Variants in PI4KA observed in about 807,000 individuals in gnomAD.
PI4KA encodes PI4-kinase alpha.
In PI4KA, 122 loss-of-function variants were observed where a neutral mutation model predicts 271.4. The observed-to-expected ratio is 0.45, with a 90% CI of 0.39 to 0.52. The LOEUF is 0.52. Ranked by LOEUF, PI4KA falls within the 20% of genes least tolerant of loss-of-function variation. The pLI is 0.00. For synonymous variants in PI4KA, 1,041 were observed against 1,078.8 expected (o/e 0.96, Z 0.69); for missense variants, 1,969 against 2,769.1 (o/e 0.71, Z 6.48).
At chr22:20,730,474 C>A (rs1927895475) in intron 36 of PI4KA, among the ~76,000 whole-genome samples, 2 of 151,986 alleles carry the variant, frequency 1.3e-5, no homozygotes, top group South Asian at 4.1e-4. Flanking sequence ...AAGGTTTCAC[C>A]ACGTTGGCCA....
Position 20,858,649 on chromosome 22 carries a change from G to A in PI4KA, c.77C>T (p.Ala26Val). 1 of 1,484,300 alleles carries A rather than the reference G, an allele frequency of 6.7e-7. No homozygotes were observed. Among genetic ancestry groups the A allele is most frequent in the Non-Finnish European group, 8.9e-7 (1 of 1,123,850 alleles). 91.9% of individuals were successfully genotyped at this position (1,484,300 alleles called of 1,614,324 possible). A position where few individuals can be genotyped will look rare whatever the true frequency, so the allele number is the denominator to read the frequency against. Reference sequence around the variant, plus strand: ...CGTGTTGAAATAGAAGCCCCGCGAGGCGCTGGAGCCGGAGCCGGAGCAGCC... The same window carrying A: ...CGTGTTGAAATAGAAGCCCCGCGAGACGCTGGAGCCGGAGCCGGAGCAGCC... ...GGGCSGSGSS[A>V]SRGFYFNTVL... Residue 26 changes from alanine (A) to valine (V), a missense_variant, in exon 1 of 55, where the codon GCC becomes GTC. Transcript: ENST00000255882.
chr22:20,809,156 G>A (rs1393338981), intron 9 of PI4KA, among the ~76,000 whole-genome samples: 1 of 152,138 alleles, frequency 6.6e-6, no homozygotes, highest in Non-Finnish European at 1.5e-5. Flanking sequence ...TTGACTCTGG[G>A]AGTCCAGACA....
chr22:20,760,704 T>C (rs1434286406), intron 23 of PI4KA, among the ~76,000 whole-genome samples: 8 of 152,156 alleles, frequency 5.3e-5, no homozygotes, highest in Admixed American at 2.6e-4. Context: ...TTTGTCTTCA[T>C]AGGGTTTTGA....
intron 4 of PI4KA, among the ~76,000 whole-genome samples, chr22:20,823,836 G>C (rs1923026723): frequency 6.6e-6 from 1 of 152,122 alleles, no homozygotes; most frequent in African/African-American, 2.4e-5. Context: ...AGCTACTTGG[G>C]AGTCTTAGGA....
chr22:20,774,115 C>T (rs961569360), intron 19 of PI4KA: 1 of 152,216 alleles, frequency 6.6e-6, no homozygotes, highest in Non-Finnish European at 1.5e-5. Context: ...CTGCTTTCAT[C>T]TCTGAAGCGC....
chr22:20,759,707 A>T (rs1931755621), intron 23 of PI4KA, among the ~76,000 whole-genome samples: 1 of 152,100 alleles, frequency 6.6e-6, no homozygotes. Context: ...CTGGGACTAC[A>T]GGCGCAGGCC....
intron 32 of PI4KA, among the ~76,000 whole-genome samples, chr22:20,739,469 GAAA>G (rs5844434): frequency 7.7e-6 from 1 of 130,552 alleles, no homozygotes. Context: ...CTGTCTTCAG[GAAA>G]AAAAAAAAAA....
At chr22:20,761,964 T>G (rs1054161773) in intron 22 of PI4KA, among the ~76,000 whole-genome samples, 2 of 152,218 alleles carry the variant, frequency 1.3e-5, no homozygotes, top group African/African-American at 4.8e-5. Flanking sequence ...ATAGTAGAAA[T>G]GAAGTATTCA....
chr22:20,827,907 G>C (rs2147733011), intron 3 of PI4KA, among the ~76,000 whole-genome samples: 1 of 152,244 alleles, frequency 6.6e-6, no homozygotes, highest in African/African-American at 2.4e-5. Flanking sequence ...CGATTCTCCT[G>C]CCTCAGCCTC....
At chr22:20,840,918 T>A (rs574118921) in intron 1 of PI4KA, among the ~76,000 whole-genome samples, 2 of 152,114 alleles carry the variant, frequency 1.3e-5, no homozygotes, top group African/African-American at 4.8e-5. Context: ...CCATCCTGAA[T>A]AGGGGCTGGG....
intron 45 of PI4KA, among the ~76,000 whole-genome samples, chr22:20,716,348 G>A (rs753194192): frequency 2.0e-5 from 3 of 152,246 alleles, no homozygotes; most frequent in African/African-American, 4.8e-5. Context: ...CACCGCACCC[G>A]GCCCAGGCTC....
At chr22:20,782,364 G>A (rs1175192532) in intron 19 of PI4KA, among the ~76,000 whole-genome samples, 2 of 152,214 alleles carry the variant, frequency 1.3e-5, no homozygotes, top group East Asian at 1.9e-4. Flanking sequence ...TCCCCATCAT[G>A]AGAATAGTCA....
chr22:20,799,578 G>A lies in PI4KA; in HGVS notation c.1820+93C>T, dbSNP rs776308947. The A allele has an allele frequency of 2.5e-5, 22 of 893,322 alleles. No individual in the cohort carries two copies. The Middle Eastern group carries it at 1.0e-3, about 41-fold the overall frequency. The allele number at this position is 893,322 out of a possible 1,614,324, so 55.3% of individuals were successfully genotyped here. On this transcript the variant is annotated intron_variant, in intron 15 of 54. Coordinates refer to ENST00000255882, the MANE Select transcript of PI4KA (RefSeq NM_058004.4). ...CCTATGCTCTGAGACAAGGAGATAA[G>A]GACAGAGGCATGCATACGCACAATG...
chr22:20,769,542 A>G (rs1361742410), intron 19 of PI4KA, among the ~76,000 whole-genome samples: 1 of 151,912 alleles, frequency 6.6e-6, no homozygotes, highest in Non-Finnish European at 1.5e-5. Flanking sequence ...GGTGGCACAC[A>G]CCTGTAGTCC....
chr22:20,718,918 CCA>C, intron 43 of PI4KA, 96 bp from the exon 44 acceptor site: 1 of 1,294,890 alleles, frequency 7.7e-7, no homozygotes, highest in East Asian at 2.4e-5. Flanking sequence ...CTGGCAGTGC[CCA>C]GAGTATGCTC....
chr22:20,735,655 G>A (rs1928622124), intron 32 of PI4KA, among the ~76,000 whole-genome samples: 1 of 152,140 alleles, frequency 6.6e-6, no homozygotes, highest in African/African-American at 2.4e-5. Flanking sequence ...CTGCTGGGAG[G>A]CACAGAAGCC....
In PI4KA at chr22:20,771,918, A is replaced by G. The variant is rs147896106; in HGVS notation, c.2329-6225T>C. Among the ~76,000 whole-genome samples the G allele has an allele frequency of 2.7e-4, 41 of 152,236 alleles. 1 individual carries two copies. The East Asian group carries it at 7.7e-3, about 29-fold the overall frequency. On this transcript the variant is annotated intron_variant, in intron 19 of 54. Coordinates refer to ENST00000255882, the MANE Select transcript of PI4KA (RefSeq NM_058004.4). Reference sequence around the variant, plus strand: ...TAAAAATAACAAAAGTAATACATACACATAGAAAAAGGTCAAACAAAGAAG... The same window carrying G: ...TAAAAATAACAAAAGTAATACATACGCATAGAAAAAGGTCAAACAAAGAAG...
chr22:20,746,315 G>T (rs1223189868), intron 29 of PI4KA, among the ~76,000 whole-genome samples: 4 of 151,972 alleles, frequency 2.6e-5, no homozygotes, highest in Non-Finnish European at 5.9e-5. Context: ...GCCCGCCTTG[G>T]CCTCCCAAAG....
chr22:20,724,053 T>C (rs545035317), intron 42 of PI4KA, among the ~76,000 whole-genome samples: 40 of 151,876 alleles, frequency 2.6e-4, no homozygotes, highest in African/African-American at 5.5e-4. Context: ...TTAGCCAGTA[T>C]GGTCTCGATC....
Sources: gnomAD v4.1 joint callset for allele counts (sites outside exome capture counted in the v4.1 genomes callset) on GRCh38, gnomAD v4.1.1 for gene constraint, MANE v1.5 for transcripts, NCBI Gene and HGNC (gene_info 2026-07-23, HGNC 2026-07-21) for gene names.